Variants in LINGO2 observed in about 807,000 individuals in gnomAD.
LINGO2 encodes the protein leucine-rich repeat and immunoglobulin-like domain-containing nogo receptor-interacting protein 2.
Under a neutral mutation model 30.6 loss-of-function variants are expected in LINGO2, and 14 were observed. The observed-to-expected ratio is 0.46, with a 90% CI of 0.30 to 0.72. LINGO2 has a LOEUF of 0.72. LINGO2 is among the 30% of genes least tolerant of loss of function. The pLI, the probability that LINGO2 is intolerant of heterozygous loss-of-function variation, is 0.07. For missense variants in LINGO2, 729 were observed against 751.7 expected, an observed-to-expected ratio of 0.97 and a Z score of 0.35; for synonymous variants, 317 against 288.5, an observed-to-expected ratio of 1.10 and a Z score of -1.00.
At chr9:28,028,744 G>T (rs1419812175) in intron 4 of LINGO2, among the ~76,000 whole-genome samples, 1 of 151,990 alleles carries the variant, frequency 6.6e-6, no homozygotes, top group East Asian at 1.9e-4. Context: ...TGTGTTTTTT[G>T]TATTTTTTTT....
At chr9:28,635,727 A>G (rs996793322) in intron 1 of LINGO2, among the ~76,000 whole-genome samples, 6 of 152,208 alleles carry the variant, frequency 3.9e-5, no homozygotes, top group Admixed American at 2.0e-4. Context: ...TAAATGTAAC[A>G]GAACCATAAA....
At chr9:28,842,302 T>C in the LINGO2 span, among the ~76,000 whole-genome samples, 1 of 151,888 alleles carries the variant, frequency 6.6e-6, no homozygotes, top group Admixed American at 6.6e-5. Flanking sequence ...TATTACTCCA[T>C]TTTTCACATG....
the LINGO2 span, among the ~76,000 whole-genome samples, chr9:28,857,719 G>GT: frequency 6.6e-6 from 1 of 151,944 alleles, no homozygotes; most frequent in Non-Finnish European, 1.5e-5. Flanking sequence ...GAGATATGCT[G>GT]TAAGTGTAAA....
chr9:28,481,114 G>C (rs1352908986), intron 1 of LINGO2, among the ~76,000 whole-genome samples: 1 of 152,052 alleles, frequency 6.6e-6, no homozygotes, highest in Non-Finnish European at 1.5e-5. Context: ...TAACTCCAAA[G>C]CCTGGGCTCA....
the LINGO2 span, among the ~76,000 whole-genome samples, chr9:29,016,234 A>T: frequency 6.6e-6 from 1 of 152,192 alleles, no homozygotes; most frequent in African/African-American, 2.4e-5. Context: ...TCCCTTAAAC[A>T]GTAGTTGCTA....
chr9:28,085,818 C>A (rs1051578546), intron 4 of LINGO2, among the ~76,000 whole-genome samples: 1 of 151,878 alleles, frequency 6.6e-6, no homozygotes, highest in African/African-American at 2.4e-5. Context: ...TGAAGGGAGG[C>A]AAAGAAAGGG....
At chr9:29,106,846 T>C in the LINGO2 span, among the ~76,000 whole-genome samples, 15 of 152,132 alleles carry the variant, frequency 9.9e-5, no homozygotes, top group African/African-American at 3.4e-4. Context: ...TGAAGGTACA[T>C]AGCTATTAAA....
chr9:28,538,090 T>C (rs1052143351), intron 1 of LINGO2, among the ~76,000 whole-genome samples: 2 of 152,052 alleles, frequency 1.3e-5, no homozygotes, highest in African/African-American at 4.8e-5. Flanking sequence ...TAGTTGGGAT[T>C]TTAATCAAGA....
At chr9:29,059,718 T>C in the LINGO2 span, among the ~76,000 whole-genome samples, 2 of 152,070 alleles carry the variant, frequency 1.3e-5, no homozygotes, top group Admixed American at 6.6e-5. Context: ...AAAATCAGCC[T>C]GACGTTATCA....
intron 4 of LINGO2, among the ~76,000 whole-genome samples, chr9:28,070,407 C>A (rs961018515): frequency 6.6e-6 from 1 of 151,908 alleles, no homozygotes; most frequent in Admixed American, 6.6e-5. Flanking sequence ...TACCAAAAAC[C>A]AAAAAACAAA....
rs75100874 is a variant in LINGO2 at position 28,033,001 on chromosome 9, G to A, written c.-86-20596C>T. On this transcript the variant is annotated intron_variant, in intron 4 of 5. Coordinates refer to ENST00000379992, the Ensembl canonical transcript of LINGO2. Reference sequence around the variant, plus strand: ...TAATTTATCCATATGAAATCCTTGCGGCTCTCAAATCAGATGAGAAATGTT... The same window carrying A: ...TAATTTATCCATATGAAATCCTTGCAGCTCTCAAATCAGATGAGAAATGTT... Among the ~76,000 whole-genome samples, 547 of 152,224 alleles carry A rather than the reference G, an allele frequency of 3.6e-3. 6 individuals carry two copies. The highest frequency in any genetic ancestry group is 0.012 in the African/African-American group (513 of 41,526).
chr9:28,958,060 A>G, the LINGO2 span, among the ~76,000 whole-genome samples: 5 of 152,120 alleles, frequency 3.3e-5, no homozygotes, highest in Non-Finnish European at 5.9e-5. Flanking sequence ...TCTGATTCCA[A>G]AGTCTAAATT....
chr9:28,145,115 G>A (rs926313780), intron 4 of LINGO2, among the ~76,000 whole-genome samples: 1 of 152,172 alleles, frequency 6.6e-6, no homozygotes, highest in Non-Finnish European at 1.5e-5. Context: ...CATTGTCACA[G>A]TGTTCTCTGA....
At chr9:28,825,933 C>T in the LINGO2 span, among the ~76,000 whole-genome samples, 1 of 152,238 alleles carries the variant, frequency 6.6e-6, no homozygotes, top group Non-Finnish European at 1.5e-5. Context: ...ATGGCATGAC[C>T]AGTCCATATG....
At chr9:28,799,716 A>T in the LINGO2 span, among the ~76,000 whole-genome samples, 16 of 152,136 alleles carry the variant, frequency 1.1e-4, no homozygotes, top group Admixed American at 9.2e-4. Flanking sequence ...TATGTCACAG[A>T]GTTGTTATGA....
At chr9:28,875,384 C>T in the LINGO2 span, among the ~76,000 whole-genome samples, 56,427 of 151,824 alleles carry the variant, frequency 0.37, 12,530 homozygotes, top group Middle Eastern at 0.51. Context: ...TTGTAAATAG[C>T]ATGGTATTTC....
At chr9:28,035,345 C>T (rs1291866079) in intron 4 of LINGO2, among the ~76,000 whole-genome samples, 1 of 152,236 alleles carries the variant, frequency 6.6e-6, no homozygotes, top group Non-Finnish European at 1.5e-5. Context: ...CCTGTGCTCT[C>T]ACTGTGGGTA....
At chr9:28,676,167 T>C in the LINGO2 span, among the ~76,000 whole-genome samples, 2 of 151,440 alleles carry the variant, frequency 1.3e-5, no homozygotes, top group African/African-American at 4.8e-5. Context: ...TATAATAAAA[T>C]AGCTTTATAA....
intron 1 of LINGO2, among the ~76,000 whole-genome samples, chr9:28,640,729 A>C (rs1368121464): frequency 6.6e-6 from 1 of 151,976 alleles, no homozygotes; most frequent in Non-Finnish European, 1.5e-5. Context: ...CGATTCGTCT[A>C]ATCTTTATTC....
Sources: gnomAD v4.1 joint callset for allele counts (sites outside exome capture counted in the v4.1 genomes callset) on GRCh38, gnomAD v4.1.1 for gene constraint, MANE v1.5 for transcripts, NCBI Gene and HGNC (gene_info 2026-07-23, HGNC 2026-07-21) for gene names.